MYH14: variants seen among roughly 807,000 people sequenced by gnomAD.
MYH14 encodes myosin-14.
Under a neutral mutation model 255.5 loss-of-function variants are expected in MYH14, and 123 were observed. That is an observed-to-expected ratio of 0.48 (90% confidence interval 0.42 to 0.56). The LOEUF is 0.56. MYH14 is among the 20% of genes least tolerant of loss of function. MYH14 has a pLI of 0.00. For missense variants in MYH14, 2,423 were observed against 2,802.3 expected (o/e 0.86, Z 3.06); for synonymous variants, 1,095 against 1,161.2 (o/e 0.94, Z 1.16).
At position 50,268,213 on chromosome 19, in the gene MYH14, T is replaced by C. The variant is rs1206099094; in HGVS notation, c.2879T>C (p.Leu960Pro). The C allele has an allele frequency of 6.4e-7, 1 of 1,557,776 alleles. No individual in the cohort carries two copies. Among genetic ancestry groups the C allele is most frequent in the Non-Finnish European group, 8.7e-7 (1 of 1,151,834 alleles). ...LAEQLRAEAE[L>P]CAEAEETRGR... ...GAGCAATTGCGAGCAGAGGCAGAAC[T>C]GTGTGCAGAGGCCGAGGAGACGCGG... Residue 960 changes from leucine to proline, a missense_variant, in exon 24 of 43, where the codon CTG becomes CCG. Leu to Pro is a moderately conservative substitution (Grantham distance 98). Coordinates refer to ENST00000642316, the MANE Select transcript of MYH14 (RefSeq NM_001145809.2).
chr19:50,217,932 G>C lies in MYH14; in HGVS notation c.562+161G>C, dbSNP rs554567765. Among the ~76,000 whole-genome samples the C allele has an allele frequency of 2.6e-5, 4 of 152,278 alleles. No homozygotes were observed. The East Asian group carries it at 7.7e-4, about 29-fold the overall frequency. On this transcript the variant is annotated intron_variant, in intron 3 of 42. Transcript: ENST00000642316. ...GGGAGCACAAGTAGAGGCCTGAGTG[G>C]GTGAGGTGCTAGGTCCTAGAGTCTT...
rs138717671 is a variant in MYH14 at position 50,246,236 on chromosome 19, T to C, written c.1211-768T>C. On this transcript the variant is annotated intron_variant, in intron 11 of 42. Transcript: ENST00000642316. The stretch of plus-strand genomic sequence containing the variant: ...CTCACTGCAACCTCTACCTCCTGGG[T>C]TCAAGCGATTCTCCCTGCCTCAGCC... Among the ~76,000 whole-genome samples, 1,487 of 149,938 alleles carry C rather than the reference T, an allele frequency of 9.9e-3. 18 individuals carry two copies. The highest frequency in any genetic ancestry group is 0.034 in the African/African-American group (1,405 of 40,768).
At chr19:50,224,839 T>C (rs1300578312) in intron 6 of MYH14, 1 of 456,440 alleles carries the variant, frequency 2.2e-6, no homozygotes, top group Admixed American at 2.3e-5. Context: ...GTTTGGTGGC[T>C]CAGGTCTATA....
chr19:50,285,845 T>A (rs1036940046), intron 33 of MYH14: 5 of 152,240 alleles, frequency 3.3e-5, no homozygotes, highest in African/African-American at 9.6e-5. Flanking sequence ...GCTTTCAAGT[T>A]TACTGATTCT....
chr19:50,281,685 C>T lies in MYH14; in HGVS notation c.4382C>T (p.Ala1461Val). 1 of 1,611,712 alleles carries T rather than the reference C, an allele frequency of 6.2e-7. No individual in the cohort carries two copies. Among genetic ancestry groups the T allele is most frequent in the South Asian group, 1.1e-5 (1 of 90,970 alleles). ...CGCCGGGCAGCCCGGGAGGCCGAGG[C>T]CCTGACCCAGCGCCTGGCAGAAAAG... ...ARRRAAREAE[A>V]LTQRLAEKTE... The change falls in exon 33 of 43, where the codon GCC becomes GTC. Residue 1461 changes from alanine (A) to valine (V), a missense_variant. Transcript: ENST00000642316.
intron 1 of MYH14, among the ~76,000 whole-genome samples, chr19:50,206,988 G>A (rs1334700665): frequency 1.4e-5 from 2 of 145,124 alleles, no homozygotes; most frequent in African/African-American, 5.1e-5. Context: ...CAAAGCAGGA[G>A]GATCACTTGA....
Position 50,271,909 on chromosome 19 carries a change from GAGA to G in MYH14, c.3235_3237del (p.Lys1079del). 7.4e-6 allele frequency: 12 copies of G among 1,613,128 alleles called. No individual in the cohort carries two copies. The highest frequency in any genetic ancestry group is 1.0e-5 in the Non-Finnish European group (12 of 1,179,666). ...CTCATCCCAGGCAGCTGAGGAGGAGGAGAAGGTCAAGAGCCTCAATAAGCTACG... is the reference window on the plus strand; with the variant it reads ...CTCATCCCAGGCAGCTGAGGAGGAGGAGGTCAAGAGCCTCAATAAGCTACG... On this transcript the variant is annotated inframe_deletion, in exon 26 of 43. Transcript: ENST00000642316.
intron 30 of MYH14, 91 bp from the exon 31 acceptor site, chr19:50,279,946 A>C (rs1035892314): frequency 2.2e-6 from 2 of 928,672 alleles, no homozygotes; most frequent in Admixed American, 4.0e-5. Context: ...AACATTTCAC[A>C]TTCCTGCCAG....
chr19:50,224,182 G>A lies in MYH14; in HGVS notation c.717+5G>A, dbSNP rs751201726. 3.1e-6 allele frequency: 5 copies of A among 1,613,918 alleles called. No individual in the cohort carries two copies. Among genetic ancestry groups the A allele is most frequent in the East Asian group, 2.2e-5 (1 of 44,870 alleles). On this transcript the variant is annotated splice_donor_5th_base_variant and intron_variant, in intron 6 of 42. Coordinates refer to ENST00000642316, the MANE Select transcript of MYH14 (RefSeq NM_001145809.2). ...TCCGTCAGCACCGTGTCTTATGTGA[G>A]TAGCAGGGGATCACCTCGAGTCTTG...
In MYH14 at chr19:50,286,691, G is replaced by C. The variant is rs1234050941; in HGVS notation, c.4749G>C (p.Lys1583Asn). ...TGAGCAGCAAGGATGACGTCGGCAA[G>C]AGCGTGAGCAGGGCCCCCGCTCCCC... The part of the protein sequence containing the change: ...ALLSSKDDVG[K>N]SVHELERACR... The change falls in exon 34 of 43, where the codon AAG becomes AAC. Residue 1583 changes from lysine to asparagine, a missense_variant. By Grantham distance (94) the Lys-to-Asn change is moderately conservative (BLOSUM62 0). Transcript: ENST00000642316. 1 of 1,568,854 alleles carries C rather than the reference G, an allele frequency of 6.4e-7. No individual in the cohort carries two copies. Among genetic ancestry groups the C allele is most frequent in the Admixed American group, 1.9e-5 (1 of 52,520 alleles).
Position 50,255,226 on chromosome 19 carries a change from G to A in MYH14, c.1952G>A (p.Gly651Glu), listed in dbSNP as rs753074772. The A allele has an allele frequency of 4.5e-6, 7 of 1,550,896 alleles. No homozygotes were observed. Among genetic ancestry groups the A allele is most frequent in the Non-Finnish European group, 6.1e-6 (7 of 1,146,554 alleles). Residue 651 changes from glycine (G) to glutamate (E), a missense_variant, in exon 17 of 43, where the codon GGG (glycine) becomes GAG (glutamate). By Grantham distance (98) the Gly-to-Glu change is moderately conservative. This residue lies in a region of MYH14 where 672 missense variants were observed against 881.8 expected (regional missense o/e 0.76). Coordinates refer to ENST00000642316, the MANE Select transcript of MYH14 (RefSeq NM_001145809.2). ...LTAEIWKDEH[G>E]GFQQFSFLGS... ...ATCTGTCCTCACTCCCCAGAACATGGGGGCTTCCAGCAGTTCTCTTTCCTT... is the reference window on the plus strand; with the variant it reads ...ATCTGTCCTCACTCCCCAGAACATGAGGGCTTCCAGCAGTTCTCTTTCCTT...
At chr19:50,309,584 TCCTCC>T in intron 42 of MYH14, 51 bp from the exon 43 acceptor site, 27 of 984,104 alleles carry the variant, frequency 2.7e-5, no homozygotes, top group East Asian at 3.8e-5. Flanking sequence ...TCCCCCTTTC[TCCTCC>T]CCTCCCCTCC....
At chr19:50,208,073 AT>A (rs2123144596) in intron 1 of MYH14, among the ~76,000 whole-genome samples, 1 of 152,060 alleles carries the variant, frequency 6.6e-6, no homozygotes, top group Admixed American at 6.5e-5. Flanking sequence ...CAACCCTAAC[AT>A]TTCCTGTCCC....
intron 2 of MYH14, among the ~76,000 whole-genome samples, chr19:50,215,581 G>A (rs1367644185): frequency 6.6e-6 from 1 of 152,218 alleles, no homozygotes; most frequent in African/African-American, 2.4e-5. Flanking sequence ...GGCATGCCGG[G>A]GTGGGAAGAT....
At chr19:50,212,155 T>C (rs79911064) in intron 2 of MYH14, among the ~76,000 whole-genome samples, 1 of 152,144 alleles carries the variant, frequency 6.6e-6, no homozygotes, top group Non-Finnish European at 1.5e-5. Context: ...CCCACCTCTA[T>C]GGTAGAATCA....
rs573429372 is a variant in MYH14 at position 50,249,361 on chromosome 19, C to T, written c.1482+222C>T. ...CTCTCTGGGTCTCTGTCCCCTGTCT[C>T]TGGGTCTCTGTCCCCCTCTCTCTCT... On this transcript the variant is annotated intron_variant, in intron 13 of 42. Coordinates refer to ENST00000642316, the MANE Select transcript of MYH14 (RefSeq NM_001145809.2). 5 of 633,526 alleles carry T rather than the reference C, an allele frequency of 7.9e-6. No homozygotes were observed. In the Admixed American group the frequency reaches 9.2e-5, roughly 12 times the overall value. 39.2% of individuals were successfully genotyped at this position (633,526 alleles called of 1,614,324 possible).
In MYH14 at chr19:50,251,079, G is replaced by A. The variant is rs374474687; in HGVS notation, c.1830+391G>A. ...CCTATCTGGGAGGGAGGCAAATACA[G>A]ACGATCAGGATATAAGGTTAATAGG... On this transcript the variant is annotated intron_variant, in intron 15 of 42. Coordinates refer to ENST00000642316, the MANE Select transcript of MYH14 (RefSeq NM_001145809.2). Among the ~76,000 whole-genome samples, 68 of 152,280 alleles carry A rather than the reference G, an allele frequency of 4.5e-4. 1 individual carries two copies. The South Asian group carries it at 0.014, about 31-fold the overall frequency.
intron 39 of MYH14, among the ~76,000 whole-genome samples, chr19:50,296,879 T>A (rs200534238): frequency 6.6e-5 from 10 of 152,048 alleles, no homozygotes; most frequent in Admixed American, 6.6e-4. Flanking sequence ...AGCAACGTTT[T>A]AAAAAAATAT....
At chr19:50,306,602 C>G (rs1013841249) in intron 40 of MYH14, among the ~76,000 whole-genome samples, 1 of 152,080 alleles carries the variant, frequency 6.6e-6, no homozygotes, top group Admixed American at 6.5e-5. Context: ...AGGAGCCATG[C>G]AAAATATAAG....
Sources: gnomAD v4.1 joint callset for allele counts (sites outside exome capture counted in the v4.1 genomes callset) on GRCh38, gnomAD v4.1.1 for gene constraint, gnomAD v4.1.1 regional missense constraint, MANE v1.5 for transcripts, NCBI Gene and HGNC (gene_info 2026-07-23, HGNC 2026-07-21) for gene names.